The following RNF41 variants were observed in gnomAD, a reference collection of about 807,000 sequenced individuals.
RNF41 encodes E3 ubiquitin-protein ligase NRDP1.
A neutral mutation model predicts 33.0 loss-of-function variants in RNF41; 4 were observed. That is an observed-to-expected ratio of 0.12 (90% confidence interval 0.06 to 0.28). The LOEUF is 0.28. Among genes scored for constraint, RNF41 ranks in the 10% least tolerant of loss-of-function variants. RNF41 has a pLI of 1.00. For missense variants in RNF41, 228 were observed against 432.6 expected, an observed-to-expected ratio of 0.53 and a Z score of 4.19; for synonymous variants, 164 against 153.2, an observed-to-expected ratio of 1.07 and a Z score of -0.52.
chr12:56,210,276 G>T, intron 4 of RNF41, 21 bp downstream of exon 4: 1 of 1,606,764 alleles, frequency 6.2e-7, no homozygotes, highest in Non-Finnish European at 8.5e-7. Context: ...TCCATGTGGG[G>T]CAGAAGGGAA....
At chr12:56,208,876 T>C (rs1238390040) in intron 4 of RNF41, among the ~76,000 whole-genome samples, 1 of 149,962 alleles carries the variant, frequency 6.7e-6, no homozygotes, top group Non-Finnish European at 1.5e-5. Flanking sequence ...TTTTTTTTTT[T>C]TTTTCGAGAC....
chr12:56,205,280 GTTGGGGTTACAGAGGT>G lies in RNF41; in HGVS notation c.*1151_*1166del, dbSNP rs1435965053. 3.9e-5 allele frequency: 6 copies of G among 152,308 alleles called. No homozygotes were observed. Among genetic ancestry groups the G allele is most frequent in the Admixed American group, 3.9e-4 (6 of 15,288 alleles). 9.4% of individuals were successfully genotyped at this position (152,308 alleles called of 1,614,324 possible). A position where few individuals can be genotyped will look rare whatever the true frequency, so the allele number is the denominator to read the frequency against. On this transcript the variant is annotated 3_prime_UTR_variant, in exon 7 of 7. Transcript: ENST00000345093. Reference sequence around the variant, plus strand: ...GGAAGAGAGGAAGCTCCTCATTTCAGTTGGGGTTACAGAGGTTTGGGGCAGATATCGTAAGTTCAGC... The same window carrying G: ...GGAAGAGAGGAAGCTCCTCATTTCAGTTGGGGCAGATATCGTAAGTTCAGC...
chr12:56,221,044 TAAATG>T (rs1869371122), intron 1 of RNF41, among the ~76,000 whole-genome samples: 2 of 152,156 alleles, frequency 1.3e-5, no homozygotes, highest in African/African-American at 2.4e-5. Flanking sequence ...CACTTGCTAT[TAAATG>T]AAATGAAGTT....
Position 56,206,896 on chromosome 12 carries a change from C to T in RNF41, c.603-98G>A, listed in dbSNP as rs1868276164. On this transcript the variant is annotated intron_variant, in intron 6 of 6. Transcript: ENST00000345093. The surrounding 1 kb of genome is among the most constrained non-coding windows in gnomAD (Gnocchi z 5.7). ...AAATAACTACCCACTCTGCACTCAG[C>T]TTACCTATTCTTCCTTCTTTCCTTC... is the stretch of plus-strand genomic sequence containing the variant. 6 of 986,862 alleles carry T rather than the reference C, an allele frequency of 6.1e-6. No homozygotes were observed. Among genetic ancestry groups the T allele is most frequent in the Non-Finnish European group, 8.8e-6 (6 of 681,754 alleles). 61.1% of individuals were successfully genotyped at this position (986,862 alleles called of 1,614,324 possible).
At position 56,202,318 on chromosome 12, in the gene RNF41, T is replaced by G. The variant is rs1878628459; in HGVS notation, c.*4129A>C. The stretch of plus-strand genomic sequence containing the variant: ...GAGTTTGAGGCTACAGTGAGCTATA[T>G]GATGGTGCCACTGCACTCCAGTCTG... On this transcript the variant is annotated 3_prime_UTR_variant, in exon 7 of 7. Transcript: ENST00000345093. 2.6e-5 allele frequency: 4 copies of G among 152,048 alleles called. No homozygotes were observed. The South Asian group carries it at 8.3e-4, about 32-fold the overall frequency. 9.4% of individuals were successfully genotyped at this position (152,048 alleles called of 1,614,324 possible).
chr12:56,213,341 A>C (rs1355118078), intron 3 of RNF41, among the ~76,000 whole-genome samples: 1 of 152,092 alleles, frequency 6.6e-6, no homozygotes, highest in Non-Finnish European at 1.5e-5. Context: ...CTGGGACTAC[A>C]GGTGTGTGCC....
chr12:56,213,078 C>A (rs1393281636), intron 3 of RNF41: 1 of 1,289,650 alleles, frequency 7.8e-7, no homozygotes, highest in East Asian at 5.5e-5. Flanking sequence ...GAGAAATGAC[C>A]TATTGAAGGT....
chr12:56,207,117 C>G (rs565999633), intron 6 of RNF41: 3 of 1,317,674 alleles, frequency 2.3e-6, no homozygotes, highest in Non-Finnish European at 2.9e-6. Context: ...ATTCCTCTAT[C>G]CTATGTCCCA....
chr12:56,219,910 A>G (rs1869221773), intron 1 of RNF41, among the ~76,000 whole-genome samples: 1 of 151,668 alleles, frequency 6.6e-6, no homozygotes, highest in Non-Finnish European at 1.5e-5. Flanking sequence ...CCGGCTACTG[A>G]GGAGGCTGAA....
chr12:56,210,266 T>C (rs1171185424), intron 4 of RNF41, 31 bp downstream of exon 4: 1 of 1,602,020 alleles, frequency 6.2e-7, no homozygotes, highest in Non-Finnish European at 8.5e-7. Flanking sequence ...ATGGCCCTTA[T>C]CCATGTGGGG....
chr12:56,220,649 G>T (rs537130210), intron 1 of RNF41, among the ~76,000 whole-genome samples: 5 of 151,110 alleles, frequency 3.3e-5, no homozygotes, highest in Non-Finnish European at 7.4e-5. Context: ...CAGGAGAATC[G>T]CTTGAACCCA....
rs111786006 is a variant in RNF41, at chr12:56,217,954, AATT to A, written c.-208-1344_-208-1342del. 2.5e-3 allele frequency among the ~76,000 whole-genome samples: 384 copies of A among 151,934 alleles called. 4 individuals carry two copies. The highest frequency in any genetic ancestry group is 8.9e-3 in the African/African-American group (370 of 41,398). On this transcript the variant is annotated intron_variant, in intron 1 of 6. Coordinates refer to ENST00000345093, the MANE Select transcript of RNF41 (RefSeq NM_005785.4). ...AATGTTTCCAAAGTGCTTTCACATA[AATT>A]ATTATTATTATTTCGAGATAGAGTC... is the stretch of plus-strand genomic sequence containing the variant.
intron 5 of RNF41, 81 bp downstream of exon 5, chr12:56,208,078 GTGTT>G: frequency 6.6e-7 from 1 of 1,512,806 alleles, no homozygotes. Context: ...ACTGGTCTGT[GTGTT>G]CACAACTGGT....
intron 3 of RNF41, chr12:56,213,094 C>T (rs2135808314): frequency 7.8e-7 from 1 of 1,289,700 alleles, no homozygotes; most frequent in South Asian, 1.2e-5. Flanking sequence ...AAGGTGGCAG[C>T]TTTCACATCA....
rs1002732487 is a variant in RNF41, at chr12:56,206,063, T to C, written c.*384A>G. On this transcript the variant is annotated 3_prime_UTR_variant, in exon 7 of 7. Coordinates refer to ENST00000345093, the MANE Select transcript of RNF41 (RefSeq NM_005785.4). This position sits in a 1 kb window ranked among gnomAD's most constrained non-coding sequence, Gnocchi z 5.7. ...GAGTCAACAGGCCTGACTGCTCTGA[T>C]TCCCTGGTTTTGGAGGAGAGGGACG... 5.0e-6 allele frequency: 1 copy of C among 199,670 alleles called. No homozygotes were observed. The highest frequency in any genetic ancestry group is 2.3e-5 in the African/African-American group (1 of 42,892). 12.4% of individuals were successfully genotyped at this position (199,670 alleles called of 1,614,324 possible).
In RNF41 at chr12:56,204,207, C is replaced by T. The variant is rs752580227; in HGVS notation, c.*2240G>A. 9.2e-5 allele frequency: 14 copies of T among 152,126 alleles called. No homozygotes were observed. Among genetic ancestry groups the T allele is most frequent in the Non-Finnish European group, 1.8e-4 (12 of 68,034 alleles). The allele number at this position is 152,126 out of a possible 1,614,324, so 9.4% of individuals were successfully genotyped here. On this transcript the variant is annotated 3_prime_UTR_variant, in exon 7 of 7. Transcript: ENST00000345093. ...TTCTGTAGAAATTATCCCAAAAACT[C>T]AGGACCACTCAGGGAAGACATGGAA...
rs1373294033 is a variant in RNF41 at position 56,219,301 on chromosome 12, C to T, written c.-209+2459G>A. On this transcript the variant is annotated intron_variant, in intron 1 of 6. Transcript: ENST00000345093. The stretch of plus-strand genomic sequence containing the variant: ...CCGCCTCCCAGGTTCACACCATTCT[C>T]CTGCCCCAGCCTCCCAAGTAGCTGG... Among the ~76,000 whole-genome samples, 5 of 151,794 alleles carry T rather than the reference C, an allele frequency of 3.3e-5. No homozygotes were observed. In the East Asian group the frequency reaches 9.7e-4, roughly 29 times the overall value.
rs1274431645 is a variant in RNF41, at chr12:56,202,245, A to T, written c.*4202T>A. The T allele has an allele frequency of 1.3e-5, 2 of 151,694 alleles. No homozygotes were observed. Among genetic ancestry groups the T allele is most frequent in the East Asian group, 3.9e-4 (2 of 5,146 alleles). 9.4% of individuals were successfully genotyped at this position (151,694 alleles called of 1,614,324 possible). On this transcript the variant is annotated 3_prime_UTR_variant, in exon 7 of 7. Coordinates refer to ENST00000345093, the MANE Select transcript of RNF41 (RefSeq NM_005785.4). ...AGATTAAGACAATTCCAGGTGCAGT[A>T]GCCCCAGCTACTCCAGAAGCTGAAG... is the stretch of plus-strand genomic sequence containing the variant.
At chr12:56,210,192 C>A in intron 4 of RNF41, 105 bp downstream of exon 4, 1 of 1,277,324 alleles carries the variant, frequency 7.8e-7, no homozygotes, top group Non-Finnish European at 1.1e-6. Flanking sequence ...TACTCCTTGC[C>A]AACATGCCAA....
Sources: allele counts gnomAD v4.1 joint callset (sites outside exome capture counted in the v4.1 genomes callset), GRCh38; gene constraint gnomAD v4.1.1; non-coding constraint Gnocchi (gnomAD v3.1); transcripts MANE v1.5; gene names NCBI Gene and HGNC (gene_info 2026-07-23, HGNC 2026-07-21).